Variants in CNBD1 observed in about 807,000 individuals in gnomAD.
CNBD1 encodes the protein cyclic nucleotide binding domain containing 1, also known as cyclic nucleotide-binding domain-containing protein 1.
In CNBD1, 71 loss-of-function variants were observed where a neutral mutation model predicts 54.4. That is an observed-to-expected ratio of 1.30 (90% CI 1.08 to 1.59). CNBD1 has a LOEUF of 1.59. Ranked by LOEUF, CNBD1 falls within the 40% of genes most tolerant of loss-of-function variation. CNBD1 has a pLI of 0.00. For synonymous variants in CNBD1, 182 were observed against 170.7 expected (o/e 1.07, Z -0.51); for missense variants, 659 against 518.0 (o/e 1.27, Z -2.64).
rs57076430 is a variant in CNBD1 at position 86,991,392 on chromosome 8, G to GTC, written c.431+51656_431+51657dup. Among the ~76,000 whole-genome samples the GTC allele has an allele frequency of 1.6e-3, 234 of 149,532 alleles. 3 individuals carry two copies. The East Asian group carries it at 0.027, about 17-fold the overall frequency. ...TCTCTCTCTGACACACACTCTCTCT[G>GTC]TCTCTCTCTCTCTCTCTCTTTTGTT... On this transcript the variant is annotated intron_variant, in intron 4 of 10. Coordinates refer to ENST00000518476, the MANE Select transcript of CNBD1 (RefSeq NM_173538.3).
chr8:87,097,021 G>A (rs965269548), intron 4 of CNBD1, among the ~76,000 whole-genome samples: 5 of 152,132 alleles, frequency 3.3e-5, no homozygotes, highest in Middle Eastern at 3.4e-3. Flanking sequence ...CTTTCTCTTC[G>A]TTTGACATTT....
At chr8:87,199,985 A>G (rs112144309) in intron 4 of CNBD1, among the ~76,000 whole-genome samples, 100 of 152,262 alleles carry the variant, frequency 6.6e-4, no homozygotes, top group Non-Finnish European at 1.8e-4. Flanking sequence ...TTACCTCCAA[A>G]TTCATCAAGT....
intron 3 of CNBD1, among the ~76,000 whole-genome samples, chr8:86,929,429 T>A (rs1245878606): frequency 6.6e-6 from 1 of 152,214 alleles, no homozygotes; most frequent in Non-Finnish European, 1.5e-5. Context: ...TTTCAAGTAC[T>A]GTTACATCAC....
intron 8 of CNBD1, among the ~76,000 whole-genome samples, chr8:87,288,720 A>G (rs1405050740): frequency 3.3e-5 from 5 of 152,098 alleles, no homozygotes; most frequent in Non-Finnish European, 7.4e-5. Flanking sequence ...TTGTTAAACT[A>G]CCGATAGCAT....
At chr8:87,110,693 C>T (rs1811644374) in intron 4 of CNBD1, among the ~76,000 whole-genome samples, 1 of 152,242 alleles carries the variant, frequency 6.6e-6, no homozygotes, top group Non-Finnish European at 1.5e-5. Context: ...ATATCATCAA[C>T]ATAATGGACT....
downstream of CNBD1, among the ~76,000 whole-genome samples, chr8:87,384,399 A>G (rs1201176439): frequency 6.6e-6 from 1 of 152,114 alleles, no homozygotes; most frequent in Non-Finnish European, 1.5e-5. Flanking sequence ...TATATATAAT[A>G]TTATATGGTA....
At chr8:86,993,123 C>T (rs1808790137) in intron 4 of CNBD1, among the ~76,000 whole-genome samples, 1 of 151,936 alleles carries the variant, frequency 6.6e-6, no homozygotes, top group South Asian at 2.1e-4. Context: ...TTATATAATC[C>T]AATATTTCTT....
At chr8:87,267,445 T>G (rs1332649332) in intron 6 of CNBD1, among the ~76,000 whole-genome samples, 10 of 152,126 alleles carry the variant, frequency 6.6e-5, no homozygotes, top group African/African-American at 2.4e-4. Flanking sequence ...GATATGAATA[T>G]AAGAATTTGT....
At chr8:87,369,159 T>C (rs1298529084) in intron 10 of CNBD1, among the ~76,000 whole-genome samples, 3 of 152,166 alleles carry the variant, frequency 2.0e-5, no homozygotes, top group Admixed American at 6.6e-5. Context: ...GGCTAAATGA[T>C]ATTTAATAAT....
At chr8:87,154,142 G>A (rs920069450) in intron 4 of CNBD1, among the ~76,000 whole-genome samples, 1 of 152,014 alleles carries the variant, frequency 6.6e-6, no homozygotes, top group African/African-American at 2.4e-5. Flanking sequence ...ATTTTTTCAA[G>A]CTGTTTAAGA....
At chr8:87,139,441 G>T (rs1432797157) in intron 4 of CNBD1, among the ~76,000 whole-genome samples, 1 of 152,112 alleles carries the variant, frequency 6.6e-6, no homozygotes, top group African/African-American at 2.4e-5. Context: ...GGATCTGAGG[G>T]CAGAAAGAGA....
intron 4 of CNBD1, among the ~76,000 whole-genome samples, chr8:86,966,487 T>A (rs1476989638): frequency 3.9e-5 from 6 of 152,172 alleles, no homozygotes. Flanking sequence ...TTCTTCCTTC[T>A]GGTGGGTTCT....
intron 4 of CNBD1, among the ~76,000 whole-genome samples, chr8:87,140,012 A>G (rs910006527): frequency 1.3e-5 from 2 of 152,184 alleles, no homozygotes; most frequent in African/African-American, 4.8e-5. Flanking sequence ...CTTACTCATT[A>G]TATTAGTTTC....
intron 5 of CNBD1, among the ~76,000 whole-genome samples, chr8:87,221,576 C>A (rs1450224207): frequency 6.6e-6 from 1 of 152,142 alleles, no homozygotes; most frequent in Non-Finnish European, 1.5e-5. Context: ...ATATATTTCC[C>A]ACCAGACACA....
chr8:86,869,283 G>T (rs150391754), intron 1 of CNBD1, among the ~76,000 whole-genome samples: 1 of 152,136 alleles, frequency 6.6e-6, no homozygotes, highest in Non-Finnish European at 1.5e-5. Context: ...TTCATACTAA[G>T]GTTCACACAG....
chr8:87,396,682 T>A (rs1228057579), intron 2 of CNBD1, among the ~76,000 whole-genome samples: 1 of 151,896 alleles, frequency 6.6e-6, no homozygotes, highest in Non-Finnish European at 1.5e-5. Flanking sequence ...GATTTGTCCC[T>A]TTTTAATCAA....
At chr8:87,388,320 T>A (rs548264477) in intron 2 of CNBD1, among the ~76,000 whole-genome samples, 17 of 152,034 alleles carry the variant, frequency 1.1e-4, no homozygotes, top group African/African-American at 4.1e-4. Flanking sequence ...CAGGAGCTGG[T>A]TTTTTGAAAA....
At chr8:87,307,860 A>C (rs1809190831) in intron 8 of CNBD1, among the ~76,000 whole-genome samples, 1 of 151,932 alleles carries the variant, frequency 6.6e-6, no homozygotes, top group African/African-American at 2.4e-5. Flanking sequence ...AAGCAAGAGA[A>C]AAAATAACAA....
intron 6 of CNBD1, among the ~76,000 whole-genome samples, chr8:87,272,539 T>G (rs1488334261): frequency 6.6e-6 from 1 of 151,980 alleles, no homozygotes; most frequent in Non-Finnish European, 1.5e-5. Context: ...AGAAATGTTT[T>G]CCTTTGAATA....
Sources: allele counts gnomAD v4.1 joint callset (sites outside exome capture counted in the v4.1 genomes callset), GRCh38; gene constraint gnomAD v4.1.1; transcripts MANE v1.5; gene names NCBI Gene and HGNC (gene_info 2026-07-23, HGNC 2026-07-21).